Variants in KIAA1328 observed in about 807,000 individuals in gnomAD.
KIAA1328 encodes KIAA1328.
KIAA1328 carries 52 observed loss-of-function variants against 68.1 expected under a neutral mutation model. That is an observed-to-expected ratio of 0.76 (90% confidence interval 0.61 to 0.96). KIAA1328 has a LOEUF of 0.96. Among genes scored for constraint, KIAA1328 ranks in the 40% least tolerant of loss-of-function variants. The pLI, the probability that KIAA1328 is intolerant of heterozygous loss-of-function variation, is 0.00. For missense variants in KIAA1328, 641 were observed against 677.6 expected (o/e 0.95, Z 0.60); for synonymous variants, 232 against 239.4 (o/e 0.97, Z 0.28).
At chr18:37,219,124 C>T (rs1364578834) in intron 9 of KIAA1328, among the ~76,000 whole-genome samples, 1 of 152,202 alleles carries the variant, frequency 6.6e-6, no homozygotes, top group African/African-American at 2.4e-5. Flanking sequence ...ACCCTGTTTG[C>T]CTGGGTGTCA....
At chr18:36,957,590 A>C (rs896430903) in intron 5 of KIAA1328, among the ~76,000 whole-genome samples, 2 of 152,162 alleles carry the variant, frequency 1.3e-5, no homozygotes, top group Non-Finnish European at 2.9e-5. Flanking sequence ...TAAAATTATA[A>C]AACAAGTAGG....
At chr18:36,833,648 A>G (rs1253964389) in intron 1 of KIAA1328, among the ~76,000 whole-genome samples, 1 of 152,274 alleles carries the variant, frequency 6.6e-6, no homozygotes, top group Non-Finnish European at 1.5e-5. Context: ...GCTTATTGCA[A>G]TAATCCTGGG....
At chr18:37,111,876 C>A (rs975994049) in intron 7 of KIAA1328, among the ~76,000 whole-genome samples, 5 of 152,222 alleles carry the variant, frequency 3.3e-5, no homozygotes, top group Non-Finnish European at 7.3e-5. Flanking sequence ...GAGATTATAT[C>A]CCGTGCCTGG....
chr18:37,082,372 A>G (rs2056977674), intron 7 of KIAA1328, among the ~76,000 whole-genome samples: 1 of 152,016 alleles, frequency 6.6e-6, no homozygotes, highest in African/African-American at 2.4e-5. Flanking sequence ...GGATTTCACC[A>G]TGTTGGCCAG....
chr18:36,909,512 A>G (rs1399980789), intron 5 of KIAA1328, among the ~76,000 whole-genome samples: 2 of 151,988 alleles, frequency 1.3e-5, no homozygotes, highest in African/African-American at 2.4e-5. Context: ...TATGTGCTGC[A>G]TTTTCTTAAT....
chr18:37,185,903 C>T (rs996556795), intron 9 of KIAA1328, among the ~76,000 whole-genome samples: 8 of 151,438 alleles, frequency 5.3e-5, no homozygotes, highest in East Asian at 1.9e-4. Flanking sequence ...TGTCTGTAAC[C>T]GTTTATGAGT....
At chr18:37,042,355 C>A (rs575905310) in intron 6 of KIAA1328, among the ~76,000 whole-genome samples, 1 of 152,250 alleles carries the variant, frequency 6.6e-6, no homozygotes, top group African/African-American at 2.4e-5. Context: ...GGTGTAATTT[C>A]TTTCTAACCT....
intron 6 of KIAA1328, among the ~76,000 whole-genome samples, chr18:36,992,796 G>A (rs566314133): frequency 6.6e-6 from 1 of 152,250 alleles, no homozygotes; most frequent in African/African-American, 2.4e-5. Context: ...CTGAAAGAAA[G>A]AGGTACTTAA....
At chr18:37,173,628 G>A (rs2059542641) in intron 9 of KIAA1328, among the ~76,000 whole-genome samples, 1 of 152,128 alleles carries the variant, frequency 6.6e-6, no homozygotes, top group Non-Finnish European at 1.5e-5. Flanking sequence ...TACCAAAAGG[G>A]CTTGGTTTAT....
At position 36,876,678 on chromosome 18, in the gene KIAA1328, C is replaced by T. The variant is rs1221760243; in HGVS notation, c.333-8879C>T. On this transcript the variant is annotated intron_variant, in intron 4 of 9. Coordinates refer to ENST00000280020, the MANE Select transcript of KIAA1328 (RefSeq NM_020776.3). Reference sequence around the variant, plus strand: ...GGTTTTTCATGTCTCTTATCTCCTTCGTTCTGCTCTGATCTTAGTTATTTC... The same window carrying T: ...GGTTTTTCATGTCTCTTATCTCCTTTGTTCTGCTCTGATCTTAGTTATTTC... Among the ~76,000 whole-genome samples, 9 of 152,128 alleles carry T rather than the reference C, an allele frequency of 5.9e-5. 1 individual carries two copies. In the South Asian group the frequency reaches 1.7e-3, roughly 28 times the overall value.
chr18:37,093,602 AAAAG>A (rs1415790098), intron 7 of KIAA1328, among the ~76,000 whole-genome samples: 1 of 152,210 alleles, frequency 6.6e-6, no homozygotes, highest in African/African-American at 2.4e-5. Context: ...AGTCAGACAA[AAAAG>A]AAAGAATAGA....
chr18:36,940,668 AT>A (rs1292310468), intron 5 of KIAA1328, among the ~76,000 whole-genome samples: 2 of 142,014 alleles, frequency 1.4e-5, no homozygotes, highest in African/African-American at 2.6e-5. Flanking sequence ...TAGAGTGCTC[AT>A]TTTACTTTTT....
intron 4 of KIAA1328, among the ~76,000 whole-genome samples, chr18:36,876,640 G>T (rs1044049468): frequency 6.6e-6 from 1 of 152,046 alleles, no homozygotes; most frequent in African/African-American, 2.4e-5. Context: ...TGGATTCATT[G>T]ATTTTTTGGA....
At chr18:37,077,195 A>G (rs1223973700) in intron 7 of KIAA1328, among the ~76,000 whole-genome samples, 2 of 143,728 alleles carry the variant, frequency 1.4e-5, no homozygotes, top group African/African-American at 5.7e-5. Context: ...TAAATCAATA[A>G]ATGTAATCCA....
At chr18:37,015,680 A>G (rs2054128782) in intron 6 of KIAA1328, among the ~76,000 whole-genome samples, 1 of 152,040 alleles carries the variant, frequency 6.6e-6, no homozygotes, top group Non-Finnish European at 1.5e-5. Context: ...TTCTTTCTGC[A>G]GTGTTTTGTA....
chr18:36,962,932 T>C (rs1423253858), intron 6 of KIAA1328, among the ~76,000 whole-genome samples: 1 of 151,960 alleles, frequency 6.6e-6, no homozygotes, highest in Non-Finnish European at 1.5e-5. Flanking sequence ...AGCAAACAAA[T>C]TCAAAAGCTA....
chr18:37,137,712 C>A (rs2154207500), intron 7 of KIAA1328, among the ~76,000 whole-genome samples: 1 of 152,284 alleles, frequency 6.6e-6, no homozygotes, highest in South Asian at 2.1e-4. Flanking sequence ...TTTGCCTCTG[C>A]ATACTGTTTA....
At chr18:37,046,177 T>G (rs892782229) in intron 6 of KIAA1328, among the ~76,000 whole-genome samples, 1 of 152,234 alleles carries the variant, frequency 6.6e-6, no homozygotes, top group Non-Finnish European at 1.5e-5. Flanking sequence ...TTTATAATCT[T>G]CATGGACTGA....
Position 37,180,058 on chromosome 18 carries a change from C to CCACACACA in KIAA1328, c.1523+7018_1523+7025dup, listed in dbSNP as rs139301794. On this transcript the variant is annotated intron_variant, in intron 9 of 9. Coordinates refer to ENST00000280020, the MANE Select transcript of KIAA1328 (RefSeq NM_020776.3). ...TGACAGCTGCCATGGGATTCAAAAG[C>CCACACACA]CACACACACACACACACACACACAC... is the stretch of plus-strand genomic sequence containing the variant. 1.9e-3 allele frequency among the ~76,000 whole-genome samples: 252 copies of CCACACACA among 134,162 alleles called. 1 individual carries two copies. The highest frequency in any genetic ancestry group is 2.6e-3 in the Non-Finnish European group (158 of 61,610). The allele number at this position is 134,162 out of a possible 152,430, so 88.0% of individuals were successfully genotyped here. A position where few individuals can be genotyped will look rare whatever the true frequency, so the allele number is the denominator to read the frequency against.
Sources: allele counts gnomAD v4.1 joint callset (sites outside exome capture counted in the v4.1 genomes callset), GRCh38; gene constraint gnomAD v4.1.1; transcripts MANE v1.5; gene names NCBI Gene and HGNC (gene_info 2026-07-23, HGNC 2026-07-21).